The following ARID4B variants were observed in gnomAD, a reference collection of about 807,000 sequenced individuals.
ARID4B encodes the protein AT-rich interactive domain-containing protein 4B.
ARID4B carries 26 observed loss-of-function variants against 147.5 expected under a neutral mutation model. The observed-to-expected ratio is 0.18, with a 90% CI of 0.13 to 0.24. The LOEUF is 0.24. Ranked by LOEUF, ARID4B falls within the 10% of genes least tolerant of loss-of-function variation. The pLI is 1.00. For synonymous variants in ARID4B, 512 were observed against 507.9 expected, an observed-to-expected ratio of 1.01 and a Z score of -0.11; for missense variants, 1,179 against 1,511.5, an observed-to-expected ratio of 0.78 and a Z score of 3.65.
At chr1:235,242,886 T>C (rs1669079520) in intron 7 of ARID4B, among the ~76,000 whole-genome samples, 1 of 152,172 alleles carries the variant, frequency 6.6e-6, no homozygotes, top group Admixed American at 6.5e-5. Flanking sequence ...TTCCACCTTA[T>C]TCAAATTTAC....
chr1:235,232,830 T>TTTTTG (rs373943094), intron 9 of ARID4B, among the ~76,000 whole-genome samples: 23 of 152,218 alleles, frequency 1.5e-4, no homozygotes, highest in Non-Finnish European at 2.4e-4. Context: ...TCTACATTTT[T>TTTTTG]TTTTGTTTTG....
chr1:235,273,325 T>C (rs1671111471), intron 2 of ARID4B, among the ~76,000 whole-genome samples: 1 of 152,210 alleles, frequency 6.6e-6, no homozygotes, highest in African/African-American at 2.4e-5. Context: ...ACTACAAGCA[T>C]GAGCCACCGC....
At chr1:235,227,924 C>A (rs1179371701) in intron 11 of ARID4B, among the ~76,000 whole-genome samples, 1 of 151,372 alleles carries the variant, frequency 6.6e-6, no homozygotes, top group Non-Finnish European at 1.5e-5. Context: ...GCTCCGCCTC[C>A]CGGGTTCAAG....
At position 235,307,597 on chromosome 1, in the gene ARID4B, T is replaced by C. The variant is rs186673580; in HGVS notation, c.6+19317A>G. ...GAAAAAGAGAGACAAACCACCCAGA[T>C]TGTAAAACTTTTCTGAGCTAGATCA... On this transcript the variant is annotated intron_variant, in intron 2 of 23. Transcript: ENST00000264183. Among the ~76,000 whole-genome samples, 231 of 152,266 alleles carry C rather than the reference T, an allele frequency of 1.5e-3. 3 individuals carry two copies. The highest frequency in any genetic ancestry group is 5.2e-3 in the African/African-American group (218 of 41,556).
intron 8 of ARID4B, 26 bp from the exon 9 acceptor site, chr1:235,234,518 T>C (rs746258405): frequency 6.6e-7 from 1 of 1,511,082 alleles, no homozygotes; most frequent in Non-Finnish European, 9.1e-7. Flanking sequence ...GTGAAGCTAT[T>C]ATAACTAAAA....
At chr1:235,202,338 T>G (rs1050316001) in intron 17 of ARID4B, among the ~76,000 whole-genome samples, 1 of 151,866 alleles carries the variant, frequency 6.6e-6, no homozygotes, top group African/African-American at 2.4e-5. Flanking sequence ...ATTCTACAGA[T>G]GGAATCTAAA....
Position 235,255,719 on chromosome 1 carries a change from T to C in ARID4B, c.215A>G (p.Asp72Gly). ...GATAACAGCTTCCTGATATGCACCA[T>C]CAAGATTCTTCACTTCCACAATAGC... ...VGAIVEVKNL[D>G]GAYQEAVINK... is the part of the protein sequence containing the mutation. Residue 72 changes from aspartate (D) to glycine (G), a missense_variant, in exon 5 of 24, where the codon GAT becomes GGT. This residue lies in a region of ARID4B where 56 missense variants were observed against 99.2 expected (regional missense o/e 0.56). Coordinates refer to ENST00000264183, the MANE Select transcript of ARID4B (RefSeq NM_016374.6). The C allele has an allele frequency of 6.2e-7, 1 of 1,612,104 alleles. No homozygotes were observed.
chr1:235,220,599 T>TA, intron 14 of ARID4B, 54 bp from the exon 15 acceptor site: 1 of 1,354,248 alleles, frequency 7.4e-7, no homozygotes, highest in African/African-American at 1.5e-5. Flanking sequence ...AATATAACTA[T>TA]AGAGTTATTT....
intron 20 of ARID4B, among the ~76,000 whole-genome samples, chr1:235,179,663 A>G (rs1190072039): frequency 6.6e-6 from 1 of 152,054 alleles, no homozygotes; most frequent in Non-Finnish European, 1.5e-5. Context: ...TTAAGATTCA[A>G]AAGGGCAGTG....
intron 1 of ARID4B, chr1:235,327,555 C>T (rs1011403484): frequency 6.6e-6 from 1 of 152,210 alleles, no homozygotes; most frequent in African/African-American, 2.4e-5. Flanking sequence ...GGCCCCCGAC[C>T]GCGGCCGCTA....
intron 2 of ARID4B, among the ~76,000 whole-genome samples, chr1:235,310,919 T>C (rs1674001869): frequency 6.6e-6 from 1 of 152,048 alleles, no homozygotes; most frequent in South Asian, 2.1e-4. Context: ...AATCCACCCA[T>C]ATCAGCCTAC....
At chr1:235,225,668 G>C (rs1328626704) in intron 11 of ARID4B, among the ~76,000 whole-genome samples, 1 of 152,204 alleles carries the variant, frequency 6.6e-6, no homozygotes, top group Non-Finnish European at 1.5e-5. Context: ...AGGCTTTACA[G>C]TTACTCTGGC....
chr1:235,183,667 G>C (rs540543480), intron 19 of ARID4B, among the ~76,000 whole-genome samples: 1 of 152,184 alleles, frequency 6.6e-6, no homozygotes, highest in Non-Finnish European at 1.5e-5. Context: ...TTCCTGAGTA[G>C]CTGGGATCAC....
chr1:235,210,629 C>T, intron 17 of ARID4B, among the ~76,000 whole-genome samples: 1 of 152,178 alleles, frequency 6.6e-6, no homozygotes, highest in Non-Finnish European at 1.5e-5. Context: ...CATTTGTTTT[C>T]TCCATGATGT....
chr1:235,201,850 C>T (rs147273385), intron 17 of ARID4B, among the ~76,000 whole-genome samples: 3 of 151,874 alleles, frequency 2.0e-5, no homozygotes, highest in Admixed American at 2.0e-4. Context: ...CACTACTGCA[C>T]TCCAACCTGG....
chr1:235,277,485 G>A, intron 2 of ARID4B, among the ~76,000 whole-genome samples: 1 of 150,240 alleles, frequency 6.7e-6, no homozygotes. Flanking sequence ...CTTGCAGTGA[G>A]CCGAGATCCC....
intron 2 of ARID4B, among the ~76,000 whole-genome samples, chr1:235,308,916 G>A (rs1345976303): frequency 3.9e-5 from 6 of 152,202 alleles, no homozygotes; most frequent in African/African-American, 4.8e-5. Flanking sequence ...GAAGTGAGGA[G>A]CGTCTCTGCC....
Position 235,167,022 on chromosome 1 carries a change from T to C in ARID4B, c.*1503A>G. The C allele has an allele frequency of 1.1e-5, 2 of 182,358 alleles. No individual in the cohort carries two copies. Among genetic ancestry groups the C allele is most frequent in the East Asian group, 1.8e-4 (2 of 11,096 alleles). The allele number at this position is 182,358 out of a possible 1,614,324, so 11.3% of individuals were successfully genotyped here. On this transcript the variant is annotated 3_prime_UTR_variant, in exon 24 of 24. Transcript: ENST00000264183. ...TATAGCTTTTATTCTATAAGCTTTT[T>C]TCTTCAACATTTTGCTGTCAACAAA...
intron 2 of ARID4B, among the ~76,000 whole-genome samples, chr1:235,303,784 T>C (rs762553318): frequency 6.6e-6 from 1 of 152,172 alleles, no homozygotes; most frequent in Non-Finnish European, 1.5e-5. Context: ...TGAATCTGAC[T>C]TCCAAAAATT....
Sources: gnomAD v4.1 joint callset for allele counts (sites outside exome capture counted in the v4.1 genomes callset) on GRCh38, gnomAD v4.1.1 for gene constraint, gnomAD v4.1.1 regional missense constraint, MANE v1.5 for transcripts, NCBI Gene and HGNC (gene_info 2026-07-23, HGNC 2026-07-21) for gene names.